Variants in TENM4 observed in about 807,000 individuals in gnomAD.
The protein encoded by TENM4 is teneurin transmembrane protein 4.
Under a neutral mutation model 243.3 loss-of-function variants are expected in TENM4, and 82 were observed. The observed-to-expected ratio is 0.34, with a 90% CI of 0.28 to 0.40. The LOEUF (loss-of-function observed/expected upper bound fraction) is 0.40, where lower values mean the gene tolerates loss of function less well. TENM4 is among the 10% of genes least tolerant of loss of function. TENM4 has a pLI of 1.00. For missense variants in TENM4, 3,138 were observed against 3,673.3 expected, an observed-to-expected ratio of 0.85 and a Z score of 3.77; for synonymous variants, 1,412 against 1,456.3, an observed-to-expected ratio of 0.97 and a Z score of 0.69.
At chr11:78,689,424 C>G (rs1301465254) in intron 28 of TENM4, among the ~76,000 whole-genome samples, 2 of 151,940 alleles carry the variant, frequency 1.3e-5, no homozygotes, top group African/African-American at 4.8e-5. Flanking sequence ...ATATTCCTGA[C>G]TGACTTGCTG....
intron 3 of TENM4, among the ~76,000 whole-genome samples, chr11:79,209,019 C>A (rs1408583087): frequency 1.3e-5 from 2 of 152,168 alleles, no homozygotes; most frequent in African/African-American, 4.8e-5. Context: ...CCGAGGTGTG[C>A]AGCCGCAGGT....
At chr11:79,082,531 T>G (rs1458156879) in intron 4 of TENM4, among the ~76,000 whole-genome samples, 1 of 151,036 alleles carries the variant, frequency 6.6e-6, no homozygotes, top group Non-Finnish European at 1.5e-5. Flanking sequence ...GTGTCACATT[T>G]AATCTATGCC....
chr11:78,891,046 C>A (rs997571173), intron 8 of TENM4, among the ~76,000 whole-genome samples, 192 bp downstream of exon 8: 1 of 152,194 alleles, frequency 6.6e-6, no homozygotes, highest in Non-Finnish European at 1.5e-5. Context: ...ATTAACAAGA[C>A]TGCTGTTAAT....
intron 3 of TENM4, among the ~76,000 whole-genome samples, chr11:79,209,469 A>G (rs1410402049): frequency 6.6e-6 from 1 of 152,168 alleles, no homozygotes; most frequent in Admixed American, 6.5e-5. Context: ...TTTAAATTTC[A>G]TCTTAGGTTC....
In TENM4 at chr11:78,805,277, T is replaced by TCCCCACCCACCACACCCC; in HGVS notation, c.2179+14_2179+15insGGGGTGTGGTGGGTGGGG. The TCCCCACCCACCACACCCC allele has an allele frequency of 1.4e-6, 2 of 1,402,550 alleles. No individual in the cohort carries two copies. The highest frequency in any genetic ancestry group is 1.9e-6 in the Non-Finnish European group (2 of 1,033,116). The allele number at this position is 1,402,550 out of a possible 1,614,324, so 86.9% of individuals were successfully genotyped here. On this transcript the variant is annotated intron_variant, in intron 15 of 33. Transcript: ENST00000278550. ...CCCCTCCCTCTACCCATGCTTCTTC[T>TCCCCACCCACCACACCCC]CCCCCTGCATTTACCGATAGAACAG...
Position 79,085,690 on chromosome 11 carries a change from C to T in TENM4, c.-65-15681G>A, listed in dbSNP as rs1176368316. 2.0e-5 allele frequency among the ~76,000 whole-genome samples: 3 copies of T among 152,128 alleles called. No homozygotes were observed. The East Asian group carries it at 5.8e-4, about 29-fold the overall frequency. ...TTGCCTTCCCCTGATTCAGTCCTCA[C>T]TCACGTTGTCTCCATCCTGGCCATT... is the stretch of plus-strand genomic sequence containing the variant. On this transcript the variant is annotated intron_variant, in intron 4 of 33. Coordinates refer to ENST00000278550, the MANE Select transcript of TENM4 (RefSeq NM_001098816.3).
intron 3 of TENM4, among the ~76,000 whole-genome samples, chr11:79,150,276 T>C (rs886504064): frequency 6.6e-6 from 1 of 152,102 alleles, no homozygotes; most frequent in Non-Finnish European, 1.5e-5. Context: ...CCTGACAAAA[T>C]CCTCCTGGCA....
At chr11:79,418,873 T>G (rs141903882) in intron 1 of TENM4, among the ~76,000 whole-genome samples, 4 of 152,324 alleles carry the variant, frequency 2.6e-5, no homozygotes, top group African/African-American at 9.6e-5. Flanking sequence ...TTACAGTGCC[T>G]GGAAATTGGA....
chr11:78,802,968 AATC>A (rs1193365679), intron 15 of TENM4, among the ~76,000 whole-genome samples: 2 of 152,270 alleles, frequency 1.3e-5, no homozygotes, highest in Non-Finnish European at 2.9e-5. Context: ...TGAGTGTTTT[AATC>A]ATCATCATAA....
At chr11:78,971,438 G>A (rs1857545171) in intron 6 of TENM4, among the ~76,000 whole-genome samples, 1 of 152,016 alleles carries the variant, frequency 6.6e-6, no homozygotes, top group Non-Finnish European at 1.5e-5. Flanking sequence ...AAGTAGCTGG[G>A]ACTATAGGCA....
intron 1 of TENM4, among the ~76,000 whole-genome samples, chr11:79,429,421 G>A (rs1313525569): frequency 1.3e-5 from 2 of 152,180 alleles, no homozygotes; most frequent in Non-Finnish European, 2.9e-5. Context: ...CAGCTGAGAG[G>A]TGGGGAGATA....
intron 6 of TENM4, among the ~76,000 whole-genome samples, chr11:79,051,447 AC>A (rs1859788254): frequency 6.6e-6 from 1 of 152,232 alleles, no homozygotes; most frequent in Non-Finnish European, 1.5e-5. Context: ...CTAGTCTGAT[AC>A]ATCAACACCT....
At chr11:78,982,584 TG>T (rs901695078) in intron 6 of TENM4, among the ~76,000 whole-genome samples, 1 of 152,168 alleles carries the variant, frequency 6.6e-6, no homozygotes, top group African/African-American at 2.4e-5. Context: ...CAATAGGCCC[TG>T]TGGCCCAGGG....
At position 79,180,443 on chromosome 11, in the gene TENM4, T is replaced by G. The variant is rs12270634; in HGVS notation, c.-162-31637A>C. Among the ~76,000 whole-genome samples, 1,202 of 151,748 alleles carry G rather than the reference T, an allele frequency of 7.9e-3. 18 individuals carry two copies. Among genetic ancestry groups the G allele is most frequent in the African/African-American group, 0.028 (1,142 of 41,500 alleles). ...TCAACAGCCAAGTAGTCAGGCAGAA[T>G]TGGATTTTGCTCCATTATGAACTAG... On this transcript the variant is annotated intron_variant, in intron 3 of 33. Coordinates refer to ENST00000278550, the MANE Select transcript of TENM4 (RefSeq NM_001098816.3).
At chr11:79,386,958 C>A (rs1181226735) in intron 1 of TENM4, among the ~76,000 whole-genome samples, 3 of 152,054 alleles carry the variant, frequency 2.0e-5, no homozygotes, top group Non-Finnish European at 4.4e-5. Context: ...AGAATGTTCA[C>A]CGAAGCACCA....
intron 1 of TENM4, among the ~76,000 whole-genome samples, chr11:79,339,040 A>C (rs1355717018): frequency 6.6e-6 from 1 of 152,198 alleles, no homozygotes; most frequent in Non-Finnish European, 1.5e-5. Context: ...CCTCAAACAC[A>C]ACACAGTCAC....
intron 6 of TENM4, among the ~76,000 whole-genome samples, chr11:79,064,364 G>C (rs911405240): frequency 6.6e-6 from 1 of 152,198 alleles, no homozygotes; most frequent in African/African-American, 2.4e-5. Context: ...CCTGGAGCTA[G>C]AGATGGCATG....
chr11:78,798,329 C>T (rs932428766), intron 15 of TENM4, among the ~76,000 whole-genome samples: 5 of 152,166 alleles, frequency 3.3e-5, no homozygotes, highest in South Asian at 2.1e-4. Context: ...GGCTTTTCAG[C>T]GCCATATCCA....
chr11:78,935,873 G>T (rs993714712), intron 6 of TENM4, among the ~76,000 whole-genome samples: 1 of 152,164 alleles, frequency 6.6e-6, no homozygotes, highest in African/African-American at 2.4e-5. Context: ...TTTTGCAACC[G>T]TTGAATGGAG....
Sources: gnomAD v4.1 joint callset for allele counts (sites outside exome capture counted in the v4.1 genomes callset) on GRCh38, gnomAD v4.1.1 for gene constraint, MANE v1.5 for transcripts, NCBI Gene and HGNC (gene_info 2026-07-23, HGNC 2026-07-21) for gene names.